The following TOX variants were observed in gnomAD, a reference collection of about 807,000 sequenced individuals.
TOX encodes thymocyte selection-associated high mobility group box protein TOX.
In TOX, 11 loss-of-function variants were observed where a neutral mutation model predicts 53.7. The observed-to-expected ratio is 0.20, with a 90% CI of 0.13 to 0.34. TOX has a LOEUF of 0.34. Ranked by LOEUF, TOX falls within the 10% of genes least tolerant of loss-of-function variation. TOX has a pLI of 1.00. For synonymous variants in TOX, 225 were observed against 245.3 expected, an observed-to-expected ratio of 0.92 and a Z score of 0.77; for missense variants, 570 against 664.6, an observed-to-expected ratio of 0.86 and a Z score of 1.56.
At chr8:59,047,970 A>G (rs935236910) in intron 1 of TOX, among the ~76,000 whole-genome samples, 1 of 152,212 alleles carries the variant, frequency 6.6e-6, no homozygotes, top group Non-Finnish European at 1.5e-5. Context: ...GAATAGAAAC[A>G]TATTCAATAG....
intron 1 of TOX, among the ~76,000 whole-genome samples, chr8:59,099,026 T>C (rs1455478571): frequency 2.0e-5 from 3 of 152,232 alleles, no homozygotes; most frequent in African/African-American, 7.2e-5. Flanking sequence ...AAACCTACCT[T>C]GCTGTACTTT....
chr8:58,930,161 A>AT (rs778763879), intron 3 of TOX, among the ~76,000 whole-genome samples: 4 of 152,230 alleles, frequency 2.6e-5, no homozygotes, highest in Non-Finnish European at 4.4e-5. Flanking sequence ...AAACTGGAAT[A>AT]TTTGTATCAT....
intron 3 of TOX, among the ~76,000 whole-genome samples, chr8:58,892,188 TAAC>T (rs1314534093): frequency 1.3e-5 from 2 of 152,178 alleles, no homozygotes; most frequent in Non-Finnish European, 2.9e-5. Context: ...CATTGTTGTA[TAAC>T]ATTTTGGTTC....
intron 1 of TOX, among the ~76,000 whole-genome samples, chr8:58,989,342 A>G (rs1813397775): frequency 6.6e-6 from 1 of 151,048 alleles, no homozygotes; most frequent in Non-Finnish European, 1.5e-5. Flanking sequence ...TAGAAAACAT[A>G]AACTCTTTTA....
intron 1 of TOX, among the ~76,000 whole-genome samples, chr8:59,043,708 T>C (rs992224910): frequency 6.6e-6 from 1 of 152,236 alleles, no homozygotes; most frequent in African/African-American, 2.4e-5. Flanking sequence ...GGCAACTTCA[T>C]GACTTCCTTC....
intron 1 of TOX, among the ~76,000 whole-genome samples, chr8:58,998,493 GTATATATATA>G (rs61434586): frequency 3.0e-4 from 19 of 63,610 alleles, no homozygotes; most frequent in African/African-American, 1.3e-3. Context: ...CATCTCAAAA[GTATATATATA>G]TATATATATA....
At chr8:58,808,320 G>C in intron 7 of TOX, 51 bp from the exon 8 acceptor site, 1 of 1,565,570 alleles carries the variant, frequency 6.4e-7, no homozygotes, top group Non-Finnish European at 8.7e-7. Flanking sequence ...ATTTTAAGAA[G>C]AAAAGCACCT....
At chr8:58,890,984 C>T (rs1364110592) in intron 3 of TOX, among the ~76,000 whole-genome samples, 1 of 152,088 alleles carries the variant, frequency 6.6e-6, no homozygotes, top group Non-Finnish European at 1.5e-5. Context: ...TCGGTATGTT[C>T]ATTACTTAAG....
intron 3 of TOX, among the ~76,000 whole-genome samples, chr8:58,861,691 A>T (rs1424733431): frequency 1.3e-5 from 2 of 152,216 alleles, no homozygotes; most frequent in Non-Finnish European, 2.9e-5. Context: ...GGAGTAGCGG[A>T]TCACTTACTA....
intron 1 of TOX, among the ~76,000 whole-genome samples, chr8:59,091,378 C>T (rs549707558): frequency 8.9e-4 from 136 of 152,262 alleles, no homozygotes; most frequent in African/African-American, 2.9e-3. Context: ...TCCTGGCTTC[C>T]ATGACACACC....
chr8:59,012,272 G>A (rs1813920934), intron 1 of TOX, among the ~76,000 whole-genome samples: 2 of 152,122 alleles, frequency 1.3e-5, no homozygotes, highest in Admixed American at 6.5e-5. Context: ...ACAGTCAGAT[G>A]ATATGTTTGT....
chr8:59,114,157 C>A (rs1395007894), intron 1 of TOX, among the ~76,000 whole-genome samples: 1 of 152,154 alleles, frequency 6.6e-6, no homozygotes, highest in Non-Finnish European at 1.5e-5. Context: ...TAAACAAAAT[C>A]CACAATAATC....
At chr8:58,955,179 T>C (rs1241891421) in intron 2 of TOX, among the ~76,000 whole-genome samples, 2 of 152,116 alleles carry the variant, frequency 1.3e-5, no homozygotes, top group African/African-American at 4.8e-5. Flanking sequence ...ATTTGAGGGA[T>C]CAAGTAAGAA....
Position 58,851,437 on chromosome 8 carries a change from T to C in TOX, c.693+87A>G, listed in dbSNP as rs546268100. ...GTGTCTCCCTCCAATGTTTCTCGCA[T>C]GGATGATATAAACTTGTACCCAGCA... On this transcript the variant is annotated intron_variant, in intron 4 of 8. Coordinates refer to ENST00000361421, the MANE Select transcript of TOX (RefSeq NM_014729.3). The surrounding 1 kb of genome is among the most constrained non-coding windows in gnomAD (Gnocchi z 4.4). 55 of 1,454,028 alleles carry C rather than the reference T, an allele frequency of 3.8e-5. No homozygotes were observed. In the African/African-American group the frequency reaches 6.2e-4, roughly 16 times the overall value. 90.1% of individuals were successfully genotyped at this position (1,454,028 alleles called of 1,614,324 possible). A position where few individuals can be genotyped will look rare whatever the true frequency, so the allele number is the denominator to read the frequency against.
At chr8:58,860,639 A>C (rs1189727973) in intron 3 of TOX, among the ~76,000 whole-genome samples, 1 of 152,210 alleles carries the variant, frequency 6.6e-6, no homozygotes, top group African/African-American at 2.4e-5. Flanking sequence ...CACAATTATG[A>C]CCAAACATTC....
intron 1 of TOX, among the ~76,000 whole-genome samples, chr8:58,994,023 C>T (rs1813507617): frequency 6.6e-6 from 1 of 152,164 alleles, no homozygotes; most frequent in Non-Finnish European, 1.5e-5. Context: ...ACGACATATT[C>T]TTGCCAGTAT....
chr8:59,032,105 T>C (rs947513691), intron 1 of TOX, among the ~76,000 whole-genome samples: 1 of 152,216 alleles, frequency 6.6e-6, no homozygotes, highest in African/African-American at 2.4e-5. Context: ...ACTCATGGTT[T>C]GGCTAGAGCA....
chr8:58,890,113 T>C (rs974904149), intron 3 of TOX, among the ~76,000 whole-genome samples: 1 of 152,204 alleles, frequency 6.6e-6, no homozygotes, highest in Non-Finnish European at 1.5e-5. Flanking sequence ...CTGATCATCA[T>C]ATTTTTTGCT....
Position 58,895,006 on chromosome 8 carries a change from G to A in TOX, c.412-43201C>T, listed in dbSNP as rs568747890. 4.6e-5 allele frequency among the ~76,000 whole-genome samples: 7 copies of A among 152,220 alleles called. No individual in the cohort carries two copies. In the South Asian group the frequency reaches 1.5e-3, roughly 32 times the overall value. ...AGTTTGAGACCAGCCTGGCCAATAT[G>A]GGGAAACCGTGTCTCTACTAAAAAT... On this transcript the variant is annotated intron_variant, in intron 3 of 8. Transcript: ENST00000361421.
Sources: allele counts gnomAD v4.1 joint callset (sites outside exome capture counted in the v4.1 genomes callset), GRCh38; gene constraint gnomAD v4.1.1; non-coding constraint Gnocchi (gnomAD v3.1); transcripts MANE v1.5; gene names NCBI Gene and HGNC (gene_info 2026-07-23, HGNC 2026-07-21).